CCL15: variants seen among roughly 807,000 people sequenced by gnomAD.
The protein encoded by CCL15 is C-C motif chemokine ligand 15.
A neutral mutation model predicts 10.6 loss-of-function variants in CCL15; 8 were observed. The ratio of observed to expected loss-of-function variants is 0.75; its 90% CI spans 0.44 to 1.36. The LOEUF (loss-of-function observed/expected upper bound fraction) is 1.36. Among genes scored for constraint, CCL15 ranks in the 40% most tolerant of loss-of-function variants. The pLI is 0.00. For missense variants in CCL15, 128 were observed against 136.6 expected, an observed-to-expected ratio of 0.94 and a Z score of 0.32; for synonymous variants, 51 against 48.8, an observed-to-expected ratio of 1.04 and a Z score of -0.19.
chr17:36,001,308 A>G, intron 1 of CCL15, 109 bp downstream of exon 1: 1 of 1,419,302 alleles, frequency 7.0e-7, no homozygotes, highest in South Asian at 1.3e-5. Context: ...TGCTTTTTAA[A>G]TAAGTTCCAT....
At chr17:36,000,262 G>A (rs532288098) in intron 1 of CCL15, among the ~76,000 whole-genome samples, 1 of 151,820 alleles carries the variant, frequency 6.6e-6, no homozygotes, top group South Asian at 2.1e-4. Flanking sequence ...AGGAGTTGGA[G>A]ACTAGTCTGG....
At chr17:36,000,998 G>A (rs2089988939) in intron 1 of CCL15, among the ~76,000 whole-genome samples, 1 of 152,194 alleles carries the variant, frequency 6.6e-6, no homozygotes. Context: ...AGGAACAAGT[G>A]AGACAGTGAT....
chr17:35,998,493 G>A (rs751015498), intron 2 of CCL15, 102 bp from the exon 3 acceptor site: 100 of 844,504 alleles, frequency 1.2e-4, no homozygotes, highest in Non-Finnish European at 1.7e-4. Flanking sequence ...TCTCCTCCTC[G>A]GCTAGCACTT....
intron 1 of CCL15, among the ~76,000 whole-genome samples, chr17:36,000,800 G>A (rs546276221): frequency 6.6e-6 from 1 of 151,724 alleles, no homozygotes; most frequent in East Asian, 1.9e-4. Context: ...GGCATAGGTT[G>A]TCCCTTCCCT....
Position 36,001,432 on chromosome 17 carries a change from C to T in CCL15, c.61G>A (p.Ala21Thr), listed in dbSNP as rs1435244399. 1 of 1,614,000 alleles carries T rather than the reference C, an allele frequency of 6.2e-7. No homozygotes were observed. The highest frequency in any genetic ancestry group is 8.5e-7 in the Non-Finnish European group (1 of 1,180,004). ...CTGGACTCACCATTTGTGAACTGGG[C>T]CTGGGATCCAAGGACAGCAACAAGC... ...LMLVAVLGSQ[A>T]QFTNDAETEL... Residue 21 changes from alanine (A) to threonine (T), a missense_variant, in exon 1 of 4, where the codon GCC becomes ACC. Physicochemically the swap from Ala to Thr is moderately conservative, Grantham distance 58. Coordinates refer to ENST00000617897, the MANE Select transcript of CCL15 (RefSeq NM_032965.6).
At chr17:35,998,183 G>T in intron 3 of CCL15, 97 bp downstream of exon 3, 1 of 777,924 alleles carries the variant, frequency 1.3e-6, no homozygotes, top group South Asian at 1.6e-5. Context: ...AGGATCCAGA[G>T]GGTGGAACCC....
At chr17:35,998,717 C>T (rs1175662919) in intron 2 of CCL15, 149 bp downstream of exon 2, 3 of 703,888 alleles carry the variant, frequency 4.3e-6, no homozygotes, top group African/African-American at 1.8e-5. Flanking sequence ...GGGGGTCCCC[C>T]TACCCTGTCC....
intron 1 of CCL15, 70 bp downstream of exon 1, chr17:36,001,347 A>C: frequency 6.3e-7 from 1 of 1,589,084 alleles, no homozygotes; most frequent in South Asian, 1.1e-5. Flanking sequence ...GAGTAGTCAC[A>C]ACATGTCTCC....
In CCL15 at chr17:35,998,166, A is replaced by G. The variant is rs768289123; in HGVS notation, c.248+114T>C. 59 of 699,562 alleles carry G rather than the reference A, an allele frequency of 8.4e-5. 1 individual carries two copies. In the Middle Eastern group the frequency reaches 2.7e-3, roughly 31 times the overall value. 43.3% of individuals were successfully genotyped at this position (699,562 alleles called of 1,614,324 possible). A position where few individuals can be genotyped will look rare whatever the true frequency, so the allele number is the denominator to read the frequency against. ...CCTCGTAAGGACACAGCTGCCCTGTATCTGGCAGGATCCAGAGGGTGGAAC... is the reference window on the plus strand; with the variant it reads ...CCTCGTAAGGACACAGCTGCCCTGTGTCTGGCAGGATCCAGAGGGTGGAAC... On this transcript the variant is annotated intron_variant, in intron 3 of 3. Transcript: ENST00000617897.
At chr17:35,999,787 AATTCTGT>A (rs1212959549) in intron 1 of CCL15, among the ~76,000 whole-genome samples, 1 of 152,024 alleles carries the variant, frequency 6.6e-6, no homozygotes, top group Non-Finnish European at 1.5e-5. Flanking sequence ...AAACCAGAGA[AATTCTGT>A]ATTCCAAAAT....
intron 2 of CCL15, 116 bp downstream of exon 2, chr17:35,998,750 C>T (rs41476146): frequency 5.8e-6 from 5 of 869,264 alleles, no homozygotes; most frequent in Non-Finnish European, 7.6e-6. Flanking sequence ...GAGATATTCA[C>T]CACCCTCAGG....
rs1469390302 is a variant in CCL15, at chr17:35,998,903, C to T, written c.99G>A (p.Met33Ile). The T allele has an allele frequency of 1.2e-6, 2 of 1,613,978 alleles. No individual in the cohort carries two copies. The highest frequency in any genetic ancestry group is 4.5e-5 in the East Asian group (2 of 44,892). The change falls in exon 2 of 4, where the codon ATG becomes ATA. Residue 33 changes from methionine to isoleucine, a missense_variant. Physicochemically the swap from Met to Ile is conservative, Grantham distance 10. Coordinates refer to ENST00000617897, the MANE Select transcript of CCL15 (RefSeq NM_032965.6). ...CTGGATTTTCCAGTGGAAGCTTTGACATCATTAACTCTGTCTCTGCATCTG... is the reference window on the plus strand; with the variant it reads ...CTGGATTTTCCAGTGGAAGCTTTGATATCATTAACTCTGTCTCTGCATCTG... Reference protein sequence around the residue: ...FTNDAETELMMSKLPLENPVV... With the variant: ...FTNDAETELMISKLPLENPVV...
chr17:36,001,367 C>G (rs1171363185), intron 1 of CCL15, 50 bp downstream of exon 1: 1 of 1,610,760 alleles, frequency 6.2e-7, no homozygotes, highest in Non-Finnish European at 8.5e-7. Context: ...CGTCCCAGAG[C>G]TTGAGTTACC....
intron 1 of CCL15, among the ~76,000 whole-genome samples, chr17:36,000,120 CA>C (rs2089973678): frequency 7.1e-6 from 1 of 141,264 alleles, no homozygotes; most frequent in South Asian, 2.2e-4. Flanking sequence ...CACTGCACTC[CA>C]GCCTGGGCGA....
intron 3 of CCL15, 134 bp downstream of exon 3, chr17:35,998,146 T>C: frequency 1.5e-6 from 1 of 652,704 alleles, no homozygotes; most frequent in South Asian, 1.9e-5. Context: ...AGAATCCTCG[T>C]AAGGACACAG....
In CCL15 at chr17:35,997,646, T is replaced by C. The variant is rs1027745552; in HGVS notation, c.*121A>G. The C allele has an allele frequency of 1.7e-5, 11 of 642,294 alleles. No homozygotes were observed. In the South Asian group the frequency reaches 2.1e-4, roughly 13 times the overall value. The allele number at this position is 642,294 out of a possible 1,614,324, so 39.8% of individuals were successfully genotyped here. On this transcript the variant is annotated 3_prime_UTR_variant, in exon 4 of 4. Coordinates refer to ENST00000617897, the MANE Select transcript of CCL15 (RefSeq NM_032965.6). ...CAAAGTTAAAAAATTGAATACTCTT[T>C]ATTAGATGCATTACTTTCATTACCA...
intron 1 of CCL15, 24 bp downstream of exon 1, chr17:36,001,393 T>C: frequency 6.2e-7 from 1 of 1,613,936 alleles, no homozygotes; most frequent in Non-Finnish European, 8.5e-7. Context: ...CCTGGTCACC[T>C]GGGAGAAAGC....
Position 35,998,405 on chromosome 17 carries a change from A to C in CCL15, c.137-14T>G. ...CAAAGTGAAAGCCTGCAGCAAGAGA[A>C]AGCGTCATCTGAGGGCAAATCTTTC... On this transcript the variant is annotated splice_polypyrimidine_tract_variant and intron_variant, in intron 2 of 3. Coordinates refer to ENST00000617897, the MANE Select transcript of CCL15 (RefSeq NM_032965.6). 1.3e-6 allele frequency: 2 copies of C among 1,580,114 alleles called. No individual in the cohort carries two copies. The highest frequency in any genetic ancestry group is 1.3e-5 in the African/African-American group (1 of 74,406).
intron 1 of CCL15, among the ~76,000 whole-genome samples, chr17:35,999,867 T>C (rs1014549349): frequency 6.6e-6 from 1 of 151,802 alleles, no homozygotes; most frequent in African/African-American, 2.4e-5. Flanking sequence ...AATAGAAAAA[T>C]GCAGCCAGGC....
Sources: gnomAD v4.1 joint callset for allele counts (sites outside exome capture counted in the v4.1 genomes callset) on GRCh38, gnomAD v4.1.1 for gene constraint, MANE v1.5 for transcripts, NCBI Gene and HGNC (gene_info 2026-07-23, HGNC 2026-07-21) for gene names.